Variants in RTL5 observed in about 807,000 individuals in gnomAD.
RTL5 encodes the protein retrotransposon Gag like 5, also known as retrotransposon Gag-like protein 5.
A neutral mutation model predicts 7.7 loss-of-function variants in RTL5; 8 were observed. The observed-to-expected ratio is 1.04, with a 90% CI of 0.61 to 1.88. The LOEUF (loss-of-function observed/expected upper bound fraction) is 1.88. Among genes scored for constraint, RTL5 ranks in the 40% most tolerant of loss-of-function variants. RTL5 has a pLI of 0.00. For missense variants in RTL5, 457 were observed against 472.7 expected (o/e 0.97, Z 0.31); for synonymous variants, 188 against 191.8 (o/e 0.98, Z 0.16).
exon 1 of RTL5, chrX:72,130,994 C>T (rs1466552174): frequency 8.3e-7 from 1 of 1,209,200 alleles, no homozygotes; most frequent in Non-Finnish European, 1.1e-6. Context: ...TCGGCGCCCC[C>T]GGGGAAATGA....
exon 1 of RTL5, chrX:72,129,908 T>C (rs1162499854): frequency 8.3e-7 from 1 of 1,209,096 alleles, no homozygotes; most frequent in Non-Finnish European, 1.1e-6. Context: ...GGGGGGCGTC[T>C]TCGAACTTGG....
At chrX:72,128,937 T>A (rs991962756) in exon 1 of RTL5, 6 of 114,012 alleles carry the variant, frequency 5.3e-5, no homozygotes, top group African/African-American at 1.9e-4. Context: ...TTTCTCCTCC[T>A]CCTCTTCTTC....
At chrX:72,131,464 C>A (rs1004846103) in exon 1 of RTL5, 11 of 1,207,503 alleles carry the variant, frequency 9.1e-6, no homozygotes, top group Non-Finnish European at 1.1e-5. Context: ...ATTCTCCCCG[C>A]GAAGGGCATT....
At chrX:72,131,561 T>C in exon 1 of RTL5, 4 of 1,143,228 alleles carry the variant, frequency 3.5e-6, no homozygotes, top group Non-Finnish European at 3.5e-6. Flanking sequence ...CCAGGGGCCC[T>C]GGGGCTCCGT....
At chrX:72,127,649 C>CCCCTCGAAGAATAGCAGGTT (rs2042240028), downstream of RTL5, 3 of 112,667 alleles carry the variant, frequency 2.7e-5, no homozygotes, top group African/African-American at 6.5e-5. Flanking sequence ...AATAGCAGGT[C>CCCCTCGAAGAATAGCAGGTT]CCCTCGAAGA....
exon 1 of RTL5, chrX:72,131,087 C>T (rs1569483003): frequency 8.3e-7 from 1 of 1,209,115 alleles, no homozygotes. Flanking sequence ...GGCTCTATCT[C>T]AGGCCGCTCC....
At position 72,130,614 on chromosome X, in the gene RTL5, T is replaced by A. The variant is rs201288494; in HGVS notation, c.927A>T (p.Arg309Ser). ...GGATAGGCTTGGGAACGCGCACTTTTCTTTCTATCTCCACACATTCGAGAA... is the reference window on the plus strand; with the variant it reads ...GGATAGGCTTGGGAACGCGCACTTTACTTTCTATCTCCACACATTCGAGAA... The change falls in exon 1 of 1, where the codon AGA becomes AGT. Residue 309 changes from arginine (R) to serine (S), a missense_variant. By Grantham distance (110) the Arg-to-Ser change is moderately radical (BLOSUM62 -1). Coordinates refer to ENST00000609883, the Ensembl canonical transcript of RTL5. The A allele has an allele frequency of 6.9e-5, 84 of 1,210,038 alleles. No homozygotes were observed. In the African/African-American group the frequency reaches 1.3e-3, roughly 19 times the overall value.
At chrX:72,129,807 T>C (rs751381746) in exon 1 of RTL5, 1 of 1,173,024 alleles carries the variant, frequency 8.5e-7, no homozygotes, top group Non-Finnish European at 1.1e-6. Context: ...GGGTGTGTTC[T>C]GGGTGGCCAT....
chrX:72,130,869 G>C lies in RTL5; in HGVS notation c.672C>G (p.Ile224Met), dbSNP rs774347563. 11 of 1,210,167 alleles carry C rather than the reference G, an allele frequency of 9.1e-6. No individual in the cohort carries two copies. In the African/African-American group the frequency reaches 1.7e-4, roughly 19 times the overall value. Residue 224 changes from isoleucine to methionine, a missense_variant, in exon 1 of 1, where the codon ATC becomes ATG. By Grantham distance (10) the Ile-to-Met change is conservative. Transcript: ENST00000609883. ...GGATGGGGCCACAGAATTCCTTACG[G>C]ATTTCATCCAGGAAGCGCGGGAAGT...
chrX:72,131,202 G>T (rs762797146), exon 1 of RTL5: 1 of 1,199,419 alleles, frequency 8.3e-7, no homozygotes, highest in Admixed American at 2.2e-5. Context: ...GCCCGTCGGG[G>T]GTGCTGCGAT....
exon 1 of RTL5, chrX:72,128,093 A>G (rs2042245568): frequency 8.9e-6 from 1 of 111,878 alleles, no homozygotes; most frequent in African/African-American, 3.3e-5. Flanking sequence ...AGGTAGCAAC[A>G]GGTTATAGGA....
exon 1 of RTL5, chrX:72,130,567 A>G (rs751129731): frequency 5.0e-6 from 6 of 1,211,409 alleles, no homozygotes; most frequent in South Asian, 3.5e-5. Context: ...AGGGAAGATG[A>G]TATTTCGAAC....
In RTL5 at chrX:72,130,876, T is replaced by C. The variant is rs1265716303; in HGVS notation, c.665A>G (p.Asp222Gly). 2 of 1,210,136 alleles carry C rather than the reference T, an allele frequency of 1.7e-6. No homozygotes were observed. The highest frequency in any genetic ancestry group is 1.7e-5 in the African/African-American group (1 of 57,237). ...GCCACAGAATTCCTTACGGATTTCA[T>C]CCAGGAAGCGCGGGAAGTTGGCATG... Residue 222 changes from aspartate to glycine, a missense_variant, in exon 1 of 1, where the codon GAT (aspartate) becomes GGT (glycine). Coordinates refer to ENST00000609883, the Ensembl canonical transcript of RTL5.
chrX:72,131,731 C>A, exon 1 of RTL5: 1 of 326,720 alleles, frequency 3.1e-6, no homozygotes, highest in Non-Finnish European at 5.0e-6. Context: ...GAGGGCCCGG[C>A]GGCTCGGCCC....
rs1452740054 is a variant in RTL5 at position 72,130,482 on chromosome X, G to A, written c.1059C>T (p.Arg353=). 1 of 1,210,803 alleles carries A rather than the reference G, an allele frequency of 8.3e-7. No individual in the cohort carries two copies. Among genetic ancestry groups the A allele is most frequent in the Non-Finnish European group, 1.1e-6 (1 of 895,148 alleles). Reference sequence around the variant, plus strand: ...GGTCCTTGGAGTGAAGCCTGTGCCTGCGTGCCTCTTGGTCTTCATCTTCAC... The same window carrying A: ...GGTCCTTGGAGTGAAGCCTGTGCCTACGTGCCTCTTGGTCTTCATCTTCAC... The change falls in exon 1 of 1, where the codon CGC becomes CGT. Residue 353 remains arginine, a synonymous_variant. Coordinates refer to ENST00000609883, the Ensembl canonical transcript of RTL5.
chrX:72,130,172 C>G (rs764230784), exon 1 of RTL5: 17 of 1,210,828 alleles, frequency 1.4e-5, no homozygotes, highest in Non-Finnish European at 1.9e-5. Flanking sequence ...TGGGCCTCAT[C>G]CAGTGGCTCC....
rs1416118166 is a variant in RTL5, at chrX:72,131,463, G to A, written c.78C>T (p.Arg26=). 3 of 1,208,762 alleles carry A rather than the reference G, an allele frequency of 2.5e-6. No homozygotes were observed. The South Asian group carries it at 5.3e-5, about 21-fold the overall frequency. ...GGAGGCCCAAATTGGCATTCTCCCC[G>A]CGAAGGGCATTTAATTCTTCGCGCA... The change falls in exon 1 of 1, where the codon CGC becomes CGT. Residue 26 remains arginine (R), a synonymous_variant. Transcript: ENST00000609883.
At chrX:72,131,253 G>A (rs966202483) in exon 1 of RTL5, 21 of 1,197,337 alleles carry the variant, frequency 1.8e-5, no homozygotes, top group Non-Finnish European at 2.0e-5. Context: ...AGATACAGTC[G>A]GGCTCCGCGC....
chrX:72,131,653 G>C, exon 1 of RTL5: 1 of 779,585 alleles, frequency 1.3e-6, no homozygotes, highest in East Asian at 3.6e-5. Context: ...ACCGAAGTGC[G>C]GCAGCGGGGC....
Sources: gnomAD v4.1 joint callset for allele counts on GRCh38, gnomAD v4.1.1 for gene constraint, MANE v1.5 for transcripts, NCBI Gene and HGNC (gene_info 2026-07-23, HGNC 2026-07-21) for gene names.